DISC1: variants seen among roughly 807,000 people sequenced by gnomAD.
DISC1 encodes DISC1 scaffold protein, also known as disrupted in schizophrenia 1 protein.
DISC1 carries 57 observed loss-of-function variants against 84.5 expected under a neutral mutation model. The observed-to-expected ratio is 0.67, with a 90% confidence interval of 0.55 to 0.84. The LOEUF is 0.84. DISC1 is among the 40% of genes least tolerant of loss of function. DISC1 has a pLI of 0.00. For synonymous variants in DISC1, 411 were observed against 415.2 expected, an observed-to-expected ratio of 0.99 and a Z score of 0.12; for missense variants, 1,000 against 1,057.8, an observed-to-expected ratio of 0.95 and a Z score of 0.76.
chr1:231,737,907 G>A lies in DISC1; in HGVS notation c.1118-12019G>A, dbSNP rs150577963. 2.5e-4 allele frequency among the ~76,000 whole-genome samples: 38 copies of A among 152,236 alleles called. No individual in the cohort carries two copies. The East Asian group carries it at 6.9e-3, about 28-fold the overall frequency. The stretch of plus-strand genomic sequence containing the variant: ...AGGGCTTGCTCTGTTGCCCCGGCTA[G>A]AGTGCAGTGGCATGACATCGGCTCT... On this transcript the variant is annotated intron_variant, in intron 3 of 12. Transcript: ENST00000439617.
Position 232,023,675 on chromosome 1 carries a change from T to G in DISC1, c.2308-2760T>G, listed in dbSNP as rs575494773. ...GTATTTTAAATTTGTTTAATTTAGC[T>G]CTGATTTCATATTTGTTGTAGCCGT... On this transcript the variant is annotated intron_variant, in intron 11 of 12. Transcript: ENST00000439617. Among the ~76,000 whole-genome samples, 41 of 152,330 alleles carry G rather than the reference T, an allele frequency of 2.7e-4. 1 individual carries two copies. Among genetic ancestry groups the G allele is most frequent in the African/African-American group, 8.2e-4 (34 of 41,584 alleles).
chr1:231,691,036 G>A (rs539937285), intron 1 of DISC1, among the ~76,000 whole-genome samples: 113 of 152,250 alleles, frequency 7.4e-4, no homozygotes, highest in African/African-American at 2.6e-3. Flanking sequence ...CAGGGCCCCG[G>A]TAGAAACAAG....
chr1:231,806,078 A>T (rs2079683364), intron 8 of DISC1, among the ~76,000 whole-genome samples: 1 of 152,234 alleles, frequency 6.6e-6, no homozygotes, highest in Non-Finnish European at 1.5e-5. Context: ...TTGTTGTAAG[A>T]ATTAAGTGAG....
At chr1:231,898,802 G>A (rs1271444681) in intron 9 of DISC1, among the ~76,000 whole-genome samples, 2 of 151,834 alleles carry the variant, frequency 1.3e-5, no homozygotes, top group African/African-American at 2.4e-5. Context: ...GCGTGGTGGC[G>A]TATGGCTGTA....
intron 9 of DISC1, among the ~76,000 whole-genome samples, chr1:231,836,945 G>A (rs752456496): frequency 1.3e-5 from 2 of 152,120 alleles, no homozygotes; most frequent in Non-Finnish European, 2.9e-5. Flanking sequence ...TTGACCTGAT[G>A]CTGGGAAGGT....
intron 7 of DISC1, 74 bp from the exon 8 acceptor site, chr1:231,800,020 AACCCAGAAATCTCT>A (rs1489091476): frequency 3.2e-6 from 3 of 951,596 alleles, no homozygotes; most frequent in Non-Finnish European, 5.0e-6. Context: ...ATTACTTACA[AACCCAGAAATCTCT>A]GACCTGGCTG....
chr1:231,912,788 T>G lies in DISC1; in HGVS notation c.1982-46040T>G, dbSNP rs2794267. The stretch of plus-strand genomic sequence containing the variant: ...TTCTTTCTTTCTTTCTTTCTTTCTT[T>G]CTTTCTTTCTTTCTTTCTTTTTCTT... On this transcript the variant is annotated intron_variant, in intron 9 of 12. Coordinates refer to ENST00000439617, the MANE Select transcript of DISC1 (RefSeq NM_018662.3). Among the ~76,000 whole-genome samples the G allele has an allele frequency of 2.8e-3, 406 of 145,118 alleles. 1 individual carries two copies. The highest frequency in any genetic ancestry group is 1.0e-2 in the African/African-American group (392 of 39,376).
intron 9 of DISC1, among the ~76,000 whole-genome samples, chr1:231,929,837 ATTG>A (rs989381630): frequency 3.3e-5 from 5 of 152,210 alleles, no homozygotes; most frequent in Admixed American, 6.5e-5. Flanking sequence ...ACACTCCACC[ATTG>A]TTGTTGTTGA....
chr1:231,730,527 C>A (rs1238205011), intron 3 of DISC1, among the ~76,000 whole-genome samples: 2 of 151,918 alleles, frequency 1.3e-5, no homozygotes, highest in African/African-American at 4.8e-5. Context: ...ATCCTGTCAC[C>A]CCAAATGTAG....
chr1:231,719,555 A>G (rs1183231862), intron 3 of DISC1, among the ~76,000 whole-genome samples: 3 of 152,132 alleles, frequency 2.0e-5, no homozygotes, highest in African/African-American at 7.2e-5. Context: ...TATTTTTTCT[A>G]TCTATAAAAT....
intron 9 of DISC1, among the ~76,000 whole-genome samples, chr1:231,829,817 G>A (rs900110454): frequency 1.3e-5 from 2 of 150,958 alleles, no homozygotes; most frequent in Non-Finnish European, 3.0e-5. Flanking sequence ...GATTTGGGTA[G>A]GTAAAGGAAA....
At chr1:231,895,454 T>G (rs566355638) in intron 9 of DISC1, among the ~76,000 whole-genome samples, 5 of 152,040 alleles carry the variant, frequency 3.3e-5, no homozygotes, top group African/African-American at 7.2e-5. Context: ...ATGAGAGAGA[T>G]AAATAATTTT....
At chr1:231,877,993 A>G (rs1464603736) in intron 9 of DISC1, among the ~76,000 whole-genome samples, 1 of 152,264 alleles carries the variant, frequency 6.6e-6, no homozygotes, top group Non-Finnish European at 1.5e-5. Context: ...TTGCAGCAGA[A>G]AGGAATTAAA....
At chr1:231,932,000 A>G (rs2090693846) in intron 9 of DISC1, among the ~76,000 whole-genome samples, 1 of 151,862 alleles carries the variant, frequency 6.6e-6, no homozygotes. Flanking sequence ...GAGCCCGACT[A>G]TTTGCATACG....
chr1:231,834,155 C>T (rs2082446576), intron 9 of DISC1, among the ~76,000 whole-genome samples: 1 of 151,952 alleles, frequency 6.6e-6, no homozygotes, highest in Non-Finnish European at 1.5e-5. Context: ...AATTGCTGGG[C>T]AGGTGGGGGA....
chr1:231,839,218 A>G lies in DISC1; in HGVS notation c.1981+20701A>G, dbSNP rs74341346. ...GAGGAACGTGGCACATCTAGGAGAC[A>G]GGGATCCAATCCCAGCCCTACCACT... On this transcript the variant is annotated intron_variant, in intron 9 of 12. Transcript: ENST00000439617. Among the ~76,000 whole-genome samples, 1,292 of 152,272 alleles carry G rather than the reference A, an allele frequency of 8.5e-3. 11 individuals are homozygous for G. Among genetic ancestry groups the G allele is most frequent in the Non-Finnish European group, 0.013 (878 of 68,016 alleles).
intron 4 of DISC1, among the ~76,000 whole-genome samples, chr1:231,764,477 CAT>C (rs1158286252): frequency 6.6e-6 from 1 of 152,050 alleles, no homozygotes; most frequent in Admixed American, 6.6e-5. Flanking sequence ...ATTTTATGTA[CAT>C]GTTATTAATA....
chr1:232,019,190 C>T (rs1239619002), intron 11 of DISC1, among the ~76,000 whole-genome samples: 2 of 151,986 alleles, frequency 1.3e-5, no homozygotes, highest in Non-Finnish European at 2.9e-5. Context: ...GTTGGAGATT[C>T]GGGATTGAAG....
At chr1:231,743,360 G>A (rs565520830) in intron 3 of DISC1, among the ~76,000 whole-genome samples, 1 of 152,280 alleles carries the variant, frequency 6.6e-6, no homozygotes, top group South Asian at 2.1e-4. Context: ...CTGAAGCTTA[G>A]AAAGGTTAAG....
Sources: gnomAD v4.1 joint callset for allele counts (sites outside exome capture counted in the v4.1 genomes callset) on GRCh38, gnomAD v4.1.1 for gene constraint, MANE v1.5 for transcripts, NCBI Gene and HGNC (gene_info 2026-07-23, HGNC 2026-07-21) for gene names.